DENND1B: variants seen among roughly 807,000 people sequenced by gnomAD.
DENND1B encodes the protein DENN domain-containing protein 1B.
Under a neutral mutation model 90.1 loss-of-function variants are expected in DENND1B, and 59 were observed. The observed-to-expected ratio is 0.65, with a 90% CI of 0.53 to 0.81. The LOEUF (loss-of-function observed/expected upper bound fraction) is 0.81. Ranked by LOEUF, DENND1B falls within the 40% of genes least tolerant of loss-of-function variation. DENND1B has a pLI of 0.00. For synonymous variants in DENND1B, 337 were observed against 324.6 expected (o/e 1.04, Z -0.41); for missense variants, 862 against 912.6 (o/e 0.94, Z 0.71).
rs556947896 is a variant in DENND1B, at chr1:197,537,652, T to A, written c.1515+2312A>T. On this transcript the variant is annotated intron_variant, in intron 20 of 22. Coordinates refer to ENST00000620048, the MANE Select transcript of DENND1B (RefSeq NM_001195215.2). ...CGTTATGTATATGTATATCAAAACA[T>A]CATGTTATACACGTTAAATATATAT... 2.6e-5 allele frequency among the ~76,000 whole-genome samples: 4 copies of A among 152,122 alleles called. No individual in the cohort carries two copies. In the South Asian group the frequency reaches 8.3e-4, roughly 32 times the overall value.
intron 10 of DENND1B, among the ~76,000 whole-genome samples, chr1:197,620,795 G>A (rs1367905358): frequency 6.6e-6 from 1 of 151,418 alleles, no homozygotes; most frequent in Admixed American, 6.6e-5. Context: ...CAAAGTCCCC[G>A]TTTCTATGGA....
chr1:197,524,238 G>T (rs1054947618), intron 20 of DENND1B, among the ~76,000 whole-genome samples: 14 of 151,586 alleles, frequency 9.2e-5, no homozygotes, highest in Non-Finnish European at 1.8e-4. Flanking sequence ...ATTTTTTTTT[G>T]GTATGTTGTT....
At chr1:197,687,025 T>C (rs936742331) in intron 3 of DENND1B, among the ~76,000 whole-genome samples, 9 of 152,230 alleles carry the variant, frequency 5.9e-5, no homozygotes, top group African/African-American at 2.2e-4. Context: ...AGATAATTGA[T>C]ATGATACAAA....
At chr1:197,514,881 C>A (rs1179682175) in intron 20 of DENND1B, among the ~76,000 whole-genome samples, 1 of 151,610 alleles carries the variant, frequency 6.6e-6, no homozygotes, top group African/African-American at 2.4e-5. Flanking sequence ...AACCTGGAAT[C>A]AGCCATTTCT....
intron 3 of DENND1B, among the ~76,000 whole-genome samples, chr1:197,692,678 C>G (rs1341874752): frequency 6.6e-6 from 1 of 151,718 alleles, no homozygotes; most frequent in Admixed American, 6.6e-5. Context: ...ATAATCCTAG[C>G]TGGTTATATC....
chr1:197,720,146 T>C (rs1378955586), intron 2 of DENND1B, among the ~76,000 whole-genome samples: 1 of 152,238 alleles, frequency 6.6e-6, no homozygotes, highest in African/African-American at 2.4e-5. Flanking sequence ...ACGTGTGCTA[T>C]TTTTGAAAAA....
intron 14 of DENND1B, among the ~76,000 whole-genome samples, chr1:197,589,296 A>C (rs187724035): frequency 6.6e-6 from 1 of 152,238 alleles, no homozygotes; most frequent in Admixed American, 6.5e-5. Flanking sequence ...ATTATTACTG[A>C]AGCAATTAAG....
At chr1:197,746,894 A>G in intron 2 of DENND1B, 1 of 1,610,920 alleles carries the variant, frequency 6.2e-7, no homozygotes, top group Non-Finnish European at 8.5e-7. Flanking sequence ...TGCTTTGGCA[A>G]TCTTTACACC....
At chr1:197,671,592 A>T (rs1012656210) in intron 5 of DENND1B, among the ~76,000 whole-genome samples, 1 of 152,160 alleles carries the variant, frequency 6.6e-6, no homozygotes, top group Admixed American at 6.6e-5. Context: ...AATTTTTAAA[A>T]CACCCAGTAG....
chr1:197,647,523 T>G (rs1323982468), intron 7 of DENND1B, among the ~76,000 whole-genome samples: 1 of 152,210 alleles, frequency 6.6e-6, no homozygotes, highest in Admixed American at 6.5e-5. Flanking sequence ...ATAAGTGTCC[T>G]AGTCCCAAAT....
At chr1:197,726,547 G>A (rs1661652962) in intron 2 of DENND1B, among the ~76,000 whole-genome samples, 2 of 152,318 alleles carry the variant, frequency 1.3e-5, no homozygotes, top group South Asian at 2.1e-4. Context: ...ATAATCCTAG[G>A]TGAAGCACTA....
chr1:197,594,051 G>A (rs1675473679), intron 14 of DENND1B, among the ~76,000 whole-genome samples: 1 of 152,098 alleles, frequency 6.6e-6, no homozygotes, highest in South Asian at 2.1e-4. Context: ...ACTCCCCCAT[G>A]TGAGATATGT....
rs552719135 is a variant in DENND1B, at chr1:197,617,700, T to A, written c.732A>T (p.Ile244=). The A allele has an allele frequency of 6.2e-7, 1 of 1,607,832 alleles. No homozygotes were observed. Among genetic ancestry groups the A allele is most frequent in the Non-Finnish European group, 8.5e-7 (1 of 1,175,652 alleles). ...ALLYPMYWQH[I]YIPVLPPHLL... is the part of the protein sequence containing the mutation. ...GGTGTGGAGGAAGCACTGGGATGTA[T>A]ATGTGTTGCCAATACATTGGGTATA... Residue 244 remains isoleucine, a synonymous_variant, in exon 11 of 23, where the codon ATA becomes ATT. Coordinates refer to ENST00000620048, the MANE Select transcript of DENND1B (RefSeq NM_001195215.2).
Position 197,510,729 on chromosome 1 carries a change from G to A in DENND1B, c.2059C>T (p.Gln687Ter), listed in dbSNP as rs1426864032. The change falls in exon 23 of 23, where the codon CAA (glutamine) becomes TAA (stop). Residue 687 changes from glutamine (Q) to a stop codon, truncating the protein, a stop_gained. Transcript: ENST00000620048. LOFTEE classifies it low-confidence loss of function (END_TRUNC). ...VSDPTSGLDF[Q>*]LTSPEVSQTD... ...TGGGAAACTTCAGGGGAAGTGAGTTGGAAATCCAGTCCTGAAGTAGGGTCA... is the reference window on the plus strand; with the variant it reads ...TGGGAAACTTCAGGGGAAGTGAGTTAGAAATCCAGTCCTGAAGTAGGGTCA... 1.2e-6 allele frequency: 2 copies of A among 1,612,684 alleles called. No individual in the cohort carries two copies. Among genetic ancestry groups the A allele is most frequent in the Non-Finnish European group, 1.7e-6 (2 of 1,179,172 alleles).
chr1:197,655,419 T>C (rs1356880513), intron 6 of DENND1B, among the ~76,000 whole-genome samples: 1 of 152,190 alleles, frequency 6.6e-6, no homozygotes, highest in Non-Finnish European at 1.5e-5. Context: ...CCAGTGTAAA[T>C]GCTCTTGAAA....
intron 15 of DENND1B, among the ~76,000 whole-genome samples, chr1:197,572,451 G>A (rs1261442016): frequency 6.6e-6 from 1 of 152,208 alleles, no homozygotes; most frequent in African/African-American, 2.4e-5. Flanking sequence ...AGCTCAGCAA[G>A]GCCTACTGCC....
At chr1:197,564,385 C>T (rs549166937) in intron 15 of DENND1B, among the ~76,000 whole-genome samples, 13 of 115,354 alleles carry the variant, frequency 1.1e-4, no homozygotes, top group Admixed American at 2.0e-4. Context: ...GAGGCAAGAA[C>T]CTCCACCAGC....
intron 13 of DENND1B, among the ~76,000 whole-genome samples, chr1:197,596,659 A>G (rs1026045928): frequency 2.0e-5 from 3 of 151,658 alleles, no homozygotes; most frequent in Non-Finnish European, 3.0e-5. Context: ...CACACACACA[A>G]CACATGCACA....
At chr1:197,697,900 A>G (rs1658606985) in intron 3 of DENND1B, among the ~76,000 whole-genome samples, 1 of 152,106 alleles carries the variant, frequency 6.6e-6, no homozygotes, top group African/African-American at 2.4e-5. Context: ...CCAATATAGG[A>G]GCACCCAGAT....
Sources: allele counts gnomAD v4.1 joint callset (sites outside exome capture counted in the v4.1 genomes callset), GRCh38; gene constraint gnomAD v4.1.1; transcripts MANE v1.5; gene names NCBI Gene and HGNC (gene_info 2026-07-23, HGNC 2026-07-21).